Variants in TSC22D3 observed in about 807,000 individuals in gnomAD.
The protein encoded by TSC22D3 is TSC22 domain family member 3, also known as TSC22 domain family protein 3.
TSC22D3 carries 4 observed loss-of-function variants against 11.1 expected under a neutral mutation model. The observed-to-expected ratio is 0.36, with a 90% confidence interval of 0.18 to 0.83. The LOEUF (loss-of-function observed/expected upper bound fraction) is 0.83. TSC22D3 is among the 40% of genes least tolerant of loss of function. TSC22D3 has a pLI of 0.48. For missense variants in TSC22D3, 118 were observed against 159.4 expected, an observed-to-expected ratio of 0.74 and a Z score of 1.40; for synonymous variants, 77 against 70.3, an observed-to-expected ratio of 1.10 and a Z score of -0.48.
chrX:107,742,754 A>G (rs1249379394), intron 1 of TSC22D3, among the ~76,000 whole-genome samples: 1 of 111,520 alleles, frequency 9.0e-6, no homozygotes, highest in Non-Finnish European at 1.9e-5. Context: ...CCAATGACCC[A>G]ACGGCCCCAG....
chrX:107,775,258 CTTTTCCTGCAGCTGCCGAAAG>C lies in TSC22D3; in HGVS notation c.141_161del (p.Asn47_Glu53del). ...CGGTATTGAGGTTCTCAAAGACCAG[CTTTTCCTGCAGCTGCCGAAAG>C]TTGCTCACTGTAGGGCTGCCCGGGT... On this transcript the variant is annotated inframe_deletion, in exon 1 of 3. Transcript: ENST00000372383. 3 of 1,212,295 alleles carry C rather than the reference CTTTTCCTGCAGCTGCCGAAAG, an allele frequency of 2.5e-6. No individual in the cohort carries two copies. Among genetic ancestry groups the C allele is most frequent in the Non-Finnish European group, 3.3e-6 (3 of 895,647 alleles).
At chrX:107,765,572 G>A (rs962231183) in intron 1 of TSC22D3, among the ~76,000 whole-genome samples, 4 of 112,787 alleles carry the variant, frequency 3.5e-5, no homozygotes, top group African/African-American at 1.3e-4. Flanking sequence ...GTGCTTGGTC[G>A]CTTTGGTACA....
chrX:107,714,539 G>A lies in TSC22D3; in HGVS notation c.583C>T (p.Pro195Ser), dbSNP rs759197258. The A allele has an allele frequency of 1.7e-6, 2 of 1,209,579 alleles. No homozygotes were observed. The highest frequency in any genetic ancestry group is 1.7e-5 in the African/African-American group (1 of 57,157). Residue 195 changes from proline to serine, a missense_variant, in exon 3 of 3, where the codon CCT (proline) becomes TCT (serine). Physicochemically the swap from Pro to Ser is moderately conservative, Grantham distance 74. Coordinates refer to ENST00000372383, the MANE Select transcript of TSC22D3 (RefSeq NM_198057.3). ...GCCACTTACACCGCAGAACCACCAG[G>A]GGCCTCGGGCACTTGTGGGGATTCG... is the stretch of plus-strand genomic sequence containing the variant. Reference protein sequence around the residue: ...APESPQVPEAPGGSAV With the variant: ...APESPQVPEASGGSAV
In TSC22D3 at chrX:107,754,296, A is replaced by G. The variant is rs1030228439; in HGVS notation, c.320+20804T>C. 3.7e-4 allele frequency among the ~76,000 whole-genome samples: 41 copies of G among 111,237 alleles called. 1 individual carries two copies. Among genetic ancestry groups the G allele is most frequent in the Admixed American group, 5.8e-4 (6 of 10,420 alleles). On this transcript the variant is annotated intron_variant, in intron 1 of 2. Coordinates refer to ENST00000372383, the MANE Select transcript of TSC22D3 (RefSeq NM_198057.3). ...TCTTATTTTGGATTATCCATGCCAC[A>G]TGTCCTATGTTACCCTAGCCATGTG... is the stretch of plus-strand genomic sequence containing the variant.
intron 1 of TSC22D3, among the ~76,000 whole-genome samples, chrX:107,720,918 A>T (rs1193083708): frequency 9.1e-6 from 1 of 109,979 alleles, no homozygotes; most frequent in Non-Finnish European, 1.9e-5. Flanking sequence ...CAATATTGAG[A>T]CTCTCAGGGT....
rs747868841 is a variant in TSC22D3 at position 107,714,611 on chromosome X, G to T, written c.511C>A (p.Gln171Lys). The T allele has an allele frequency of 2.5e-6, 3 of 1,211,719 alleles. No individual in the cohort carries two copies. The highest frequency in any genetic ancestry group is 3.5e-5 in the South Asian group (2 of 57,002). The change falls in exon 3 of 3, where the codon CAG becomes AAG. Residue 171 changes from glutamine (Q) to lysine (K), a missense_variant. Gln to Lys is a moderately conservative substitution (Grantham distance 53). Coordinates refer to ENST00000372383, the MANE Select transcript of TSC22D3 (RefSeq NM_198057.3). ...AGACAGGACTGGAACTTCTCCAGCT[G>T]CTCTGGGCTTGCCAGGGTCTTCAAC... ...TLLKTLASPE[Q>K]LEKFQSCLSP...
intron 1 of TSC22D3, among the ~76,000 whole-genome samples, chrX:107,751,145 G>A (rs758427266): frequency 8.9e-6 from 1 of 112,178 alleles, no homozygotes; most frequent in Admixed American, 9.4e-5. Flanking sequence ...AGGATCAGCA[G>A]CAAAAGCCAT....
intron 1 of TSC22D3, chrX:107,716,478 G>C (rs936919618): frequency 4.0e-6 from 4 of 995,450 alleles, no homozygotes; most frequent in South Asian, 6.2e-5. Flanking sequence ...TGGTTTTCAC[G>C]GCGCAGCGGC....
chrX:107,754,041 G>A (rs1279506881), intron 1 of TSC22D3, among the ~76,000 whole-genome samples: 1 of 109,848 alleles, frequency 9.1e-6, no homozygotes, highest in Non-Finnish European at 1.9e-5. Context: ...TCAGCCTCCC[G>A]AGTAGCTGGG....
At chrX:107,736,253 T>C (rs1286442869) in intron 1 of TSC22D3, among the ~76,000 whole-genome samples, 1 of 111,587 alleles carries the variant, frequency 9.0e-6, no homozygotes, top group African/African-American at 3.3e-5. Context: ...TTCCTCTCAC[T>C]TGAATGAGGT....
At chrX:107,734,651 G>C (rs1249083102) in intron 1 of TSC22D3, among the ~76,000 whole-genome samples, 2 of 110,233 alleles carry the variant, frequency 1.8e-5, no homozygotes, top group African/African-American at 6.6e-5. Flanking sequence ...TGTGGTCTTG[G>C]GGGACCAAGC....
At chrX:107,759,909 G>C (rs1056158955) in intron 1 of TSC22D3, among the ~76,000 whole-genome samples, 2 of 112,522 alleles carry the variant, frequency 1.8e-5, no homozygotes, top group African/African-American at 6.5e-5. Flanking sequence ...GTGGGGGCGG[G>C]AGGAAATTCA....
intron 1 of TSC22D3, among the ~76,000 whole-genome samples, chrX:107,721,026 T>C (rs1228029586): frequency 2.7e-5 from 3 of 111,940 alleles, no homozygotes; most frequent in Admixed American, 9.4e-5. Context: ...CCAAATTCTC[T>C]TTCTGACATC....
chrX:107,723,038 C>A (rs911789387), intron 1 of TSC22D3, among the ~76,000 whole-genome samples: 3 of 105,425 alleles, frequency 2.8e-5, no homozygotes, highest in African/African-American at 6.8e-5. Flanking sequence ...GAAAAAGCCT[C>A]GGGCTTGGGG....
chrX:107,737,424 A>G (rs757944453), intron 1 of TSC22D3, among the ~76,000 whole-genome samples: 1 of 111,542 alleles, frequency 9.0e-6, no homozygotes, highest in Non-Finnish European at 1.9e-5. Flanking sequence ...CCAATTAGAC[A>G]CCACCATGGG....
At chrX:107,742,318 A>AGAGAGAGT (rs1569451273) in intron 1 of TSC22D3, among the ~76,000 whole-genome samples, 2 of 38,160 alleles carry the variant, frequency 5.2e-5, no homozygotes, top group African/African-American at 1.1e-4. Context: ...AGAGAGAGAG[A>AGAGAGAGT]GTGTGTGTGC....
intron 1 of TSC22D3, among the ~76,000 whole-genome samples, chrX:107,742,281 A>AAGAGAGAGAGAGAGAGAG (rs764889060): frequency 3.5e-4 from 20 of 56,812 alleles, no homozygotes; most frequent in African/African-American, 1.6e-3. Context: ...GAGAGAGAGA[A>AAGAGAGAGAGAGAGAGAG]AGAGAGAGAG....
intron 1 of TSC22D3, among the ~76,000 whole-genome samples, chrX:107,746,733 C>T (rs749141349): frequency 3.5e-4 from 39 of 112,497 alleles, no homozygotes; most frequent in African/African-American, 8.1e-4. Flanking sequence ...CAAGTCCTGA[C>T]ATATGTACGG....
intron 1 of TSC22D3, among the ~76,000 whole-genome samples, chrX:107,771,975 C>A (rs768008323): frequency 8.9e-6 from 1 of 112,546 alleles, no homozygotes; most frequent in Admixed American, 9.4e-5. Context: ...CAAGGGACCA[C>A]GTCAATATTT....
Sources: allele counts gnomAD v4.1 joint callset (sites outside exome capture counted in the v4.1 genomes callset), GRCh38; gene constraint gnomAD v4.1.1; transcripts MANE v1.5; gene names NCBI Gene and HGNC (gene_info 2026-07-23, HGNC 2026-07-21).